Variants in PTPN22 observed in about 807,000 individuals in gnomAD.
PTPN22 encodes the protein protein tyrosine phosphatase non-receptor type 22.
In PTPN22, 85 loss-of-function variants were observed where a neutral mutation model predicts 103.3. The observed-to-expected ratio is 0.82, with a 90% CI of 0.69 to 0.99. PTPN22 has a LOEUF of 0.99. PTPN22 is among the 50% of genes least tolerant of loss of function. The pLI is 0.00. For synonymous variants in PTPN22, 323 were observed against 310.2 expected (o/e 1.04, Z -0.43); for missense variants, 865 against 936.9 (o/e 0.92, Z 1.00).
chr1:113,868,291 C>A (rs903539553), intron 1 of PTPN22, among the ~76,000 whole-genome samples: 7 of 152,048 alleles, frequency 4.6e-5, no homozygotes, highest in Non-Finnish European at 5.9e-5. Flanking sequence ...AATAGAGATG[C>A]CTTTTGATAA....
At chr1:113,833,362 A>G (rs557488415) in intron 15 of PTPN22, among the ~76,000 whole-genome samples, 20 of 152,190 alleles carry the variant, frequency 1.3e-4, no homozygotes, top group Non-Finnish European at 2.8e-4. Flanking sequence ...TCCTAAATTG[A>G]TCCCCTTCTG....
chr1:113,844,674 A>AT (rs1045453520), intron 11 of PTPN22, among the ~76,000 whole-genome samples: 4 of 152,064 alleles, frequency 2.6e-5, no homozygotes, highest in African/African-American at 9.7e-5. Context: ...TTGTATTTTC[A>AT]TTTTTGTTTA....
intron 13 of PTPN22, among the ~76,000 whole-genome samples, chr1:113,835,962 CGCTCTGTTTTT>C (rs1351888219): frequency 6.6e-6 from 1 of 151,546 alleles, no homozygotes. Context: ...GACGGAGTCT[CGCTCTGTTTTT>C]TAATGATGCA....
chr1:113,858,642 C>A, intron 3 of PTPN22, 69 bp from the exon 4 acceptor site: 1 of 958,890 alleles, frequency 1.0e-6, no homozygotes, highest in Non-Finnish European at 1.5e-6. Context: ...TCCTCCGCTT[C>A]CTTTTTTTTT....
At chr1:113,857,612 A>G in intron 5 of PTPN22, 126 bp downstream of exon 5, 1 of 831,956 alleles carries the variant, frequency 1.2e-6, no homozygotes, top group South Asian at 1.9e-5. Flanking sequence ...GCATTCCCAA[A>G]CTGAAAACTA....
At chr1:113,870,729 A>G (rs1291553231) in intron 1 of PTPN22, among the ~76,000 whole-genome samples, 1 of 152,216 alleles carries the variant, frequency 6.6e-6, no homozygotes, top group Non-Finnish European at 1.5e-5. Context: ...AAAAGAAAAG[A>G]AAAATGATGG....
At chr1:113,844,515 A>T (rs1341535754) in intron 11 of PTPN22, among the ~76,000 whole-genome samples, 32 of 152,170 alleles carry the variant, frequency 2.1e-4, no homozygotes. Context: ...TTCCAATTTC[A>T]TTGATTTCTG....
chr1:113,838,228 GC>G lies in PTPN22; in HGVS notation c.1171del (p.Ala391LeufsTer5), dbSNP rs1663198992. On this transcript the variant is annotated frameshift_variant, in exon 13 of 21. Transcript: ENST00000359785. LOFTEE classifies it high-confidence loss of function. ...TGTCTGCCATTTCATGGTTGTGTCA[GC>G]ATTTTTGTCAAAACTGTAATTTAGC... 6.2e-7 allele frequency: 1 copy of G among 1,613,968 alleles called. No homozygotes were observed. The highest frequency in any genetic ancestry group is 8.5e-7 in the Non-Finnish European group (1 of 1,180,012).
At chr1:113,844,435 T>TA (rs1166748819) in intron 11 of PTPN22, among the ~76,000 whole-genome samples, 10 of 152,192 alleles carry the variant, frequency 6.6e-5, no homozygotes, top group African/African-American at 2.2e-4. Flanking sequence ...GCCTGGGTGA[T>TA]AGAGTGAAAC....
chr1:113,816,471 C>G (rs1281503698), intron 20 of PTPN22, among the ~76,000 whole-genome samples: 5 of 151,676 alleles, frequency 3.3e-5, no homozygotes, highest in Admixed American at 2.0e-4. Flanking sequence ...AGCACAATGC[C>G]TGGCACATAG....
In PTPN22 at chr1:113,860,585, A is replaced by G. The variant is rs189094368; in HGVS notation, c.88-1125T>C. Among the ~76,000 whole-genome samples the G allele has an allele frequency of 1.3e-3, 191 of 152,336 alleles. 2 individuals carry two copies. The highest frequency in any genetic ancestry group is 4.2e-3 in the African/African-American group (176 of 41,580). The stretch of plus-strand genomic sequence containing the variant: ...GAAGCTACTGAACTATCTTTATAGC[A>G]TATTTTTACTTCAAGATGGATATGG... On this transcript the variant is annotated intron_variant, in intron 1 of 20. Coordinates refer to ENST00000359785, the Ensembl canonical transcript of PTPN22.
At chr1:113,829,390 T>C (rs1250391348) in intron 18 of PTPN22, among the ~76,000 whole-genome samples, 1 of 152,152 alleles carries the variant, frequency 6.6e-6, no homozygotes, top group African/African-American at 2.4e-5. Context: ...TTTTTTCTGG[T>C]CCTCTCCCTC....
chr1:113,838,701 T>C (rs1663248962), intron 11 of PTPN22, 81 bp from the exon 12 acceptor site: 2 of 1,515,082 alleles, frequency 1.3e-6, no homozygotes, highest in African/African-American at 2.8e-5. Context: ...GGCTGAAAAG[T>C]AATTTTTCAG....
At chr1:113,825,413 A>G (rs1280471993) in intron 18 of PTPN22, among the ~76,000 whole-genome samples, 2 of 152,170 alleles carry the variant, frequency 1.3e-5, no homozygotes, top group African/African-American at 2.4e-5. Flanking sequence ...TAATAGTATC[A>G]GAGGCTGAGC....
At chr1:113,819,625 G>C (rs2101872499) in exon 20 of PTPN22, 3 of 1,603,756 alleles carry the variant, frequency 1.9e-6, no homozygotes, top group Non-Finnish European at 2.6e-6. Flanking sequence ...GATTCTGCAG[G>C]CTTGTTTGGT....
At chr1:113,818,760 T>C (rs1346814693) in intron 20 of PTPN22, among the ~76,000 whole-genome samples, 2 of 152,214 alleles carry the variant, frequency 1.3e-5, no homozygotes, top group Non-Finnish European at 2.9e-5. Context: ...GCTGATATGA[T>C]CTGGCCATTT....
At chr1:113,865,057 TGGAGAGAC>T (rs1041689057) in intron 1 of PTPN22, among the ~76,000 whole-genome samples, 99 of 152,330 alleles carry the variant, frequency 6.5e-4, no homozygotes, top group African/African-American at 2.4e-3. Context: ...TATAAGAAGC[TGGAGAGAC>T]ACCATGTAGG....
chr1:113,829,618 G>C, exon 18 of PTPN22: 1 of 1,601,146 alleles, frequency 6.2e-7, no homozygotes, highest in African/African-American at 1.3e-5. Flanking sequence ...CTTTTTCCAG[G>C]AGTCTTCAGT....
intron 11 of PTPN22, among the ~76,000 whole-genome samples, chr1:113,841,080 C>G (rs1663501990): frequency 6.6e-6 from 1 of 151,976 alleles, no homozygotes; most frequent in South Asian, 2.1e-4. Flanking sequence ...CAAAATTAGC[C>G]AGGCATGGTG....
Sources: gnomAD v4.1 joint callset for allele counts (sites outside exome capture counted in the v4.1 genomes callset) on GRCh38, gnomAD v4.1.1 for gene constraint, MANE v1.5 for transcripts, NCBI Gene and HGNC (gene_info 2026-07-23, HGNC 2026-07-21) for gene names.